The following FLNA variants were observed in gnomAD, a reference collection of about 807,000 sequenced individuals.
FLNA encodes filamin A, also known as filamin-A.
FLNA carries 7 observed loss-of-function variants against 157.6 expected under a neutral mutation model. The ratio of observed to expected loss-of-function variants is 0.04; its 90% confidence interval spans 0.03 to 0.08. The LOEUF (loss-of-function observed/expected upper bound fraction) is 0.08, where lower values mean the gene tolerates loss of function less well. Among genes scored for constraint, FLNA ranks in the 10% least tolerant of loss-of-function variants. The pLI, the probability that FLNA is intolerant of heterozygous loss-of-function variation, is 1.00. For synonymous variants in FLNA, 1,103 were observed against 1,060.8 expected (o/e 1.04, Z -0.77); for missense variants, 1,750 against 2,398.4 (o/e 0.73, Z 5.65).
rs1320946768 is a variant in FLNA, at chrX:154,366,195, T to G, written c.1258A>C (p.Ile420Leu). ...CCCTTCTGTCCCATGGGGTCCTGGA[T>G]CACAACCTCGACCTCGCCCGTGCCA... ...GAGTGEVEVV[I>L]QDPMGQKGTV... The change falls in exon 9 of 48, where the codon ATC (isoleucine) becomes CTC (leucine). Residue 420 changes from isoleucine to leucine, a missense_variant. Physicochemically the swap from Ile to Leu is conservative, Grantham distance 5. Around this residue, in one of 5 missense-constraint regions of FLNA, gnomAD observed 648 missense variants for 805.8 expected, o/e 0.80. Transcript: ENST00000369850. The G allele has an allele frequency of 8.3e-7, 1 of 1,209,237 alleles. No individual in the cohort carries two copies. Among genetic ancestry groups the G allele is most frequent in the Admixed American group, 2.2e-5 (1 of 45,949 alleles).
rs782095418 is a variant in FLNA, at chrX:154,354,010, T to C, written c.5591A>G (p.Asn1864Ser). ...SPLQFYVDYVNCGHVTAYGPG... is the reference protein window; with the variant it reads ...SPLQFYVDYVSCGHVTAYGPG... Reference sequence around the variant, plus strand: ...CCCATAGGCAGTGACATGGCCACAGTTGACGTAATCCACATAGAACTGCAA... The same window carrying C: ...CCCATAGGCAGTGACATGGCCACAGCTGACGTAATCCACATAGAACTGCAA... The change falls in exon 35 of 48, where the codon AAC becomes AGC. Residue 1864 changes from asparagine to serine, a missense_variant. Physicochemically the swap from Asn to Ser is conservative, Grantham distance 46 (BLOSUM62 1). Transcript: ENST00000369850. 18 of 1,210,728 alleles carry C rather than the reference T, an allele frequency of 1.5e-5. No individual in the cohort carries two copies. Among genetic ancestry groups the C allele is most frequent in the East Asian group, 3.0e-5 (1 of 33,805 alleles).
chrX:154,358,036 C>G (rs2067676108), intron 28 of FLNA, among the ~76,000 whole-genome samples, 163 bp downstream of exon 28: 1 of 112,495 alleles, frequency 8.9e-6, no homozygotes, highest in Non-Finnish European at 1.9e-5. Context: ...CCTGTCACCA[C>G]CATCCTAAGG....
In FLNA at chrX:154,351,883, C is replaced by T. The variant is rs782725876; in HGVS notation, c.6907+1G>A. 2.5e-6 allele frequency: 3 copies of T among 1,211,304 alleles called. No homozygotes were observed. Among genetic ancestry groups the T allele is most frequent in the Non-Finnish European group, 3.4e-6 (3 of 895,286 alleles). On this transcript the variant is annotated splice_donor_variant, in intron 42 of 47. Transcript: ENST00000369850. LOFTEE classifies it high-confidence loss of function. ...TCCAACCCCAGCCGGGTTCCCAGTA[C>T]CTGGCTCCTGGACCACATAAGCCAC...
intron 23 of FLNA, 37 bp from the exon 24 acceptor site, chrX:154,359,683 C>T: frequency 8.3e-7 from 1 of 1,210,246 alleles, no homozygotes; most frequent in Non-Finnish European, 1.1e-6. Context: ...GGAGCCCGGG[C>T]CACCCCACCC....
chrX:154,352,222 G>A lies in FLNA; in HGVS notation c.6728C>T (p.Ala2243Val). The A allele has an allele frequency of 1.7e-6, 2 of 1,211,012 alleles. No homozygotes were observed. The highest frequency in any genetic ancestry group is 2.2e-6 in the Non-Finnish European group (2 of 895,301). Residue 2243 changes from alanine to valine, a missense_variant, in exon 41 of 48, where the codon GCT becomes GTT. Physicochemically the swap from Ala to Val is moderately conservative, Grantham distance 64 (BLOSUM62 0). Around this residue, in one of 5 missense-constraint regions of FLNA, gnomAD observed 970 missense variants for 1,302.6 expected, o/e 0.74. Transcript: ENST00000369850. ...LGEGGAHKVR[A>V]GGPGLERAEA... ...AGCTCTCTCCAGGCCAGGGCCCCCA[G>A]CTCGGACCTTGTGGGCTCCCCCTTC... is the stretch of plus-strand genomic sequence containing the variant.
chrX:154,349,688 A>C lies in FLNA; in HGVS notation c.7513T>G (p.Tyr2505Asp). The C allele has an allele frequency of 8.3e-7, 1 of 1,211,253 alleles. No individual in the cohort carries two copies. The highest frequency in any genetic ancestry group is 1.1e-6 in the Non-Finnish European group (1 of 895,234). Residue 2505 changes from tyrosine to aspartate, a missense_variant, in exon 46 of 48, where the codon TAC becomes GAC. This residue lies in a region of FLNA where 970 missense variants were observed against 1,302.6 expected (regional missense o/e 0.74). Coordinates refer to ENST00000369850, the MANE Select transcript of FLNA (RefSeq NM_001110556.2). ...YLISIKYGGP[Y>D]HIGGSPFKAK... Reference sequence around the variant, plus strand: ...TTGAAGGGGCTGCCCCCAATGTGGTAGGGGCCGCCGTACTTGATGGAGATG... The same window carrying C: ...TTGAAGGGGCTGCCCCCAATGTGGTCGGGGCCGCCGTACTTGATGGAGATG...
chrX:154,352,774 G>C lies in FLNA; in HGVS notation c.6377C>G (p.Pro2126Arg). 1 of 1,212,049 alleles carries C rather than the reference G, an allele frequency of 8.3e-7. No individual in the cohort carries two copies. The change falls in exon 39 of 48, where the codon CCT becomes CGT. Residue 2126 changes from proline (P) to arginine (R), a missense_variant and splice_region_variant. By Grantham distance (103) the Pro-to-Arg change is moderately radical (BLOSUM62 -2). Around this residue, in one of 5 missense-constraint regions of FLNA, gnomAD observed 970 missense variants for 1,302.6 expected, o/e 0.74. Coordinates refer to ENST00000369850, the MANE Select transcript of FLNA (RefSeq NM_001110556.2). ...INIKFADQHV[P>R]GSPFSVKVTG... ...TGCCGAGGCACTGCTGCACTCACCA[G>C]GCACGTGCTGGTCGGCAAACTTGAT...
intron 2 of FLNA, among the ~76,000 whole-genome samples, chrX:154,369,026 A>G (rs2067784031): frequency 1.8e-5 from 2 of 112,968 alleles, no homozygotes; most frequent in Non-Finnish European, 3.8e-5. Flanking sequence ...GGCTCAAGGC[A>G]GGATGGCTCA....
intron 2 of FLNA, 105 bp from the exon 3 acceptor site, chrX:154,368,195 AG>A (rs2067777686): frequency 3.3e-5 from 36 of 1,093,556 alleles, no homozygotes; most frequent in Non-Finnish European, 4.2e-5. Flanking sequence ...GGGGCCAAGG[AG>A]GAGGTAGACA....
intron 2 of FLNA, among the ~76,000 whole-genome samples, chrX:154,369,768 TGTG>T (rs1349980804): frequency 1.8e-5 from 2 of 111,542 alleles, no homozygotes; most frequent in Non-Finnish European, 3.8e-5. Flanking sequence ...GGCTGGGACT[TGTG>T]GGGGTGGGCC....
intron 23 of FLNA, 31 bp from the exon 24 acceptor site, chrX:154,359,677 C>A: frequency 8.3e-7 from 1 of 1,210,455 alleles, no homozygotes; most frequent in Middle Eastern, 2.3e-4. Flanking sequence ...TCAGGAGGAG[C>A]CCGGGCCACC....
chrX:154,353,565 G>A lies in FLNA; in HGVS notation c.5849C>T (p.Ala1950Val), dbSNP rs2067639202. 16 of 1,211,376 alleles carry A rather than the reference G, an allele frequency of 1.3e-5. No homozygotes were observed. The highest frequency in any genetic ancestry group is 1.8e-5 in the Non-Finnish European group (16 of 895,146). The stretch of plus-strand genomic sequence containing the variant: ...CCAGTGCCACCCACCTGTGACCCGA[G>A]CAGTGAAGGGGCTGCCTGGGACGTG... ...EQHVPGSPFT[A>V]RVTGDDSMRM... Residue 1950 changes from alanine to valine, a missense_variant, in exon 36 of 48, where the codon GCT becomes GTT. Ala to Val is a moderately conservative substitution (Grantham distance 64). Transcript: ENST00000369850.
rs782002009 is a variant in FLNA at position 154,368,312 on chromosome X, G to C, written c.374-222C>G. ...TTTGGGGTGAGGGCAGATACACACA[G>C]ACACACACACACGATGCCAGCAGGG... On this transcript the variant is annotated intron_variant, in intron 2 of 47. Coordinates refer to ENST00000369850, the MANE Select transcript of FLNA (RefSeq NM_001110556.2). 2.7e-5 allele frequency among the ~76,000 whole-genome samples: 3 copies of C among 111,636 alleles called. No individual in the cohort carries two copies. In the South Asian group the frequency reaches 1.1e-3, roughly 42 times the overall value.
At chrX:154,357,167 G>T in intron 30 of FLNA, 84 bp downstream of exon 30, 2 of 953,609 alleles carry the variant, frequency 2.1e-6, no homozygotes, top group Non-Finnish European at 3.0e-6. Flanking sequence ...AGCTGGAACT[G>T]TCCTGGGAAT....
Position 154,366,544 on chromosome X carries a change from C to T in FLNA, c.1065+18G>A. The T allele has an allele frequency of 8.3e-7, 1 of 1,210,485 alleles. No individual in the cohort carries two copies. The highest frequency in any genetic ancestry group is 1.8e-5 in the South Asian group (1 of 57,020). On this transcript the variant is annotated intron_variant, in intron 7 of 47. Transcript: ENST00000369850. ...CACTGCCTGAGGTCACAAGCCTCCCCCCTGGCCAAGGGCTCACCTTATGAG... is the reference window on the plus strand; with the variant it reads ...CACTGCCTGAGGTCACAAGCCTCCCTCCTGGCCAAGGGCTCACCTTATGAG...
In FLNA at chrX:154,365,438, T is replaced by C; in HGVS notation, c.1478A>G (p.Lys493Arg). Residue 493 changes from lysine to arginine, a missense_variant, in exon 10 of 48, where the codon AAG (lysine) becomes AGG (arginine). Transcript: ENST00000369850. ...CRAVGRGLQP[K>R]GVRVKETADF... ...AGCTGTCTCCTTCACCCGCACACCCTTGGGCTGGAGGCCCCGGCCAACCGC... is the reference window on the plus strand; with the variant it reads ...AGCTGTCTCCTTCACCCGCACACCCCTGGGCTGGAGGCCCCGGCCAACCGC... 5.0e-6 allele frequency: 6 copies of C among 1,211,547 alleles called. No homozygotes were observed. Among genetic ancestry groups the C allele is most frequent in the Non-Finnish European group, 6.7e-6 (6 of 895,454 alleles).
At position 154,362,710 on chromosome X, in the gene FLNA, C is replaced by G; in HGVS notation, c.2355G>C (p.Lys785Asn). ...CAGTGAAGTAGGTGGGCTCGTGGGC[C>G]TTGAGCCCTGTCTTGGCTACTCCGG... ...YGPGVAKTGL[K>N]AHEPTYFTVD... The change falls in exon 16 of 48, where the codon AAG (lysine) becomes AAC (asparagine). Residue 785 changes from lysine (K) to asparagine (N), a missense_variant. Coordinates refer to ENST00000369850, the MANE Select transcript of FLNA (RefSeq NM_001110556.2). 8.3e-7 allele frequency: 1 copy of G among 1,210,642 alleles called. No individual in the cohort carries two copies. Among genetic ancestry groups the G allele is most frequent in the Non-Finnish European group, 1.1e-6 (1 of 895,113 alleles).
chrX:154,356,419 C>T (rs2067663165), intron 30 of FLNA, among the ~76,000 whole-genome samples: 1 of 112,172 alleles, frequency 8.9e-6, no homozygotes, highest in Non-Finnish European at 1.9e-5. Flanking sequence ...CCCAGCCTCC[C>T]CCGCCCTGCG....
chrX:154,369,789 C>A (rs781804981), intron 2 of FLNA, among the ~76,000 whole-genome samples: 2 of 111,886 alleles, frequency 1.8e-5, no homozygotes, highest in African/African-American at 6.5e-5. Flanking sequence ...GCCTGCCCCT[C>A]GCCTCAACTG....
Sources: allele counts gnomAD v4.1 joint callset (sites outside exome capture counted in the v4.1 genomes callset), GRCh38; gene constraint gnomAD v4.1.1; regional missense constraint gnomAD v4.1.1; transcripts MANE v1.5; gene names NCBI Gene and HGNC (gene_info 2026-07-23, HGNC 2026-07-21).